C2orf76: variants seen among roughly 807,000 people sequenced by gnomAD.
C2orf76 encodes the protein chromosome 2 open reading frame 76.
A neutral mutation model predicts 16.9 loss-of-function variants in C2orf76; 23 were observed. The ratio of observed to expected loss-of-function variants is 1.36; its 90% CI spans 0.98 to 1.93. The LOEUF (loss-of-function observed/expected upper bound fraction) is 1.93. C2orf76 is among the 30% of genes most tolerant of loss of function. C2orf76 has a pLI of 0.00. For synonymous variants in C2orf76, 48 were observed against 52.3 expected (o/e 0.92, Z 0.35); for missense variants, 152 against 152.6 (o/e 1.00, Z 0.02).
intron 4 of C2orf76, among the ~76,000 whole-genome samples, chr2:119,314,652 T>G (rs1006076261): frequency 1.3e-5 from 2 of 152,312 alleles, no homozygotes; most frequent in African/African-American, 4.8e-5. Context: ...CTAATTACTC[T>G]CATTTCTCTT....
downstream of C2orf76, among the ~76,000 whole-genome samples, chr2:119,301,842 G>C (rs1678628269): frequency 6.8e-6 from 1 of 147,002 alleles, no homozygotes; most frequent in Non-Finnish European, 1.5e-5. Flanking sequence ...GTTTCTTCCT[G>C]AAGATGGAAA....
the C2orf76 span, among the ~76,000 whole-genome samples, chr2:119,294,156 G>A: frequency 1.8e-4 from 27 of 152,170 alleles, no homozygotes; most frequent in Non-Finnish European, 8.8e-5. Context: ...ACCAGCAAAC[G>A]AGATGGGGAG....
At chr2:119,355,314 G>T (rs1345892641) in intron 1 of C2orf76, among the ~76,000 whole-genome samples, 1 of 152,204 alleles carries the variant, frequency 6.6e-6, no homozygotes, top group Non-Finnish European at 1.5e-5. Context: ...AAGCAGAGGG[G>T]CTGGCTGCTT....
chr2:119,302,792 C>A (rs540946987), intron 5 of C2orf76, among the ~76,000 whole-genome samples: 1 of 152,162 alleles, frequency 6.6e-6, no homozygotes, highest in African/African-American at 2.4e-5. Flanking sequence ...AAATAAAAAA[C>A]CAAAAATTAA....
At chr2:119,329,145 T>C (rs1198971137) in intron 2 of C2orf76, among the ~76,000 whole-genome samples, 4 of 152,238 alleles carry the variant, frequency 2.6e-5, no homozygotes, top group African/African-American at 9.6e-5. Flanking sequence ...TTACTGATTT[T>C]CTATTTGTTC....
At chr2:119,323,087 A>C (rs1209760268) in intron 2 of C2orf76, among the ~76,000 whole-genome samples, 2 of 152,002 alleles carry the variant, frequency 1.3e-5, no homozygotes, top group Non-Finnish European at 2.9e-5. Context: ...ATGTGATTAT[A>C]CTCACAGTAG....
chr2:119,343,036 T>A (rs371643034), intron 1 of C2orf76, among the ~76,000 whole-genome samples: 10 of 152,226 alleles, frequency 6.6e-5, no homozygotes, highest in African/African-American at 2.4e-4. Flanking sequence ...TCCCAAAGTA[T>A]ATCATTCTTT....
chr2:119,349,105 T>C (rs1368384183), intron 1 of C2orf76, among the ~76,000 whole-genome samples: 1 of 152,372 alleles, frequency 6.6e-6, no homozygotes, highest in East Asian at 1.9e-4. Context: ...GAAAAGCCTT[T>C]ACCAAAACAT....
At chr2:119,329,519 T>C (rs1333701962) in intron 2 of C2orf76, among the ~76,000 whole-genome samples, 1 of 152,196 alleles carries the variant, frequency 6.6e-6, no homozygotes, top group Non-Finnish European at 1.5e-5. Context: ...ATGGTTAAAG[T>C]TTGCTATTCT....
At chr2:119,285,009 C>T in the C2orf76 span, among the ~76,000 whole-genome samples, 3 of 152,094 alleles carry the variant, frequency 2.0e-5, no homozygotes, top group South Asian at 4.1e-4. Flanking sequence ...AGGATTGTGG[C>T]GGAGATCAGA....
intron 2 of C2orf76, among the ~76,000 whole-genome samples, chr2:119,322,703 A>C (rs2104569097): frequency 6.6e-6 from 1 of 152,332 alleles, no homozygotes; most frequent in African/African-American, 2.4e-5. Flanking sequence ...AAAGAAAAAG[A>C]AGGAAGCTCT....
chr2:119,287,866 T>C, the C2orf76 span, among the ~76,000 whole-genome samples: 1 of 152,188 alleles, frequency 6.6e-6, no homozygotes, highest in East Asian at 1.9e-4. Context: ...CTTCAGTTAG[T>C]TGGTTGTGTT....
intron 2 of C2orf76, among the ~76,000 whole-genome samples, chr2:119,325,739 CT>C (rs1259179442): frequency 6.6e-6 from 1 of 152,162 alleles, no homozygotes; most frequent in Non-Finnish European, 1.5e-5. Flanking sequence ...ATGGTTACTC[CT>C]TTTAATTTCA....
In C2orf76 at chr2:119,342,751, G is replaced by GTTGTTTGT. The variant is rs112996931; in HGVS notation, c.-12-2788_-12-2781dup. On this transcript the variant is annotated intron_variant, in intron 1 of 5. Coordinates refer to ENST00000334816, the MANE Select transcript of C2orf76 (RefSeq NM_001322331.2). Reference sequence around the variant, plus strand: ...TCTTAAGCAGATGTTAGGTATATGGGTTGTTTGTTTGTTTGTTTGTTTGTT... The same window carrying GTTGTTTGT: ...TCTTAAGCAGATGTTAGGTATATGGGTTGTTTGTTTGTTTGTTTGTTTGTTTGTTTGTT... Among the ~76,000 whole-genome samples the GTTGTTTGT allele has an allele frequency of 8.5e-3, 1,291 of 151,584 alleles. 18 individuals are homozygous for GTTGTTTGT. The highest frequency in any genetic ancestry group is 0.029 in the African/African-American group (1,184 of 41,138).
the C2orf76 span, among the ~76,000 whole-genome samples, chr2:119,296,121 C>T: frequency 6.6e-6 from 1 of 152,176 alleles, no homozygotes; most frequent in Non-Finnish European, 1.5e-5. Flanking sequence ...CCTTCCTCTT[C>T]CACTCCTATA....
intron 1 of C2orf76, among the ~76,000 whole-genome samples, chr2:119,360,894 C>T (rs1478198453): frequency 6.6e-6 from 1 of 152,084 alleles, no homozygotes; most frequent in East Asian, 1.9e-4. Flanking sequence ...AGGCTATATA[C>T]CACAATTTCA....
intron 3 of C2orf76, 22 bp downstream of exon 3, chr2:119,321,132 A>T: frequency 7.7e-7 from 1 of 1,298,484 alleles, no homozygotes. Context: ...TATATATTTT[A>T]AAAGAATAAA....
At chr2:119,311,102 AC>A (rs1678970691) in intron 5 of C2orf76, 1 of 939,040 alleles carries the variant, frequency 1.1e-6, no homozygotes, top group Non-Finnish European at 1.3e-6. Context: ...TTAGAATAAA[AC>A]CACATGCACA....
At chr2:119,348,046 C>CAAAAAAAAAAAAAAAAAA (rs1205382710) in intron 1 of C2orf76, among the ~76,000 whole-genome samples, 1 of 81,988 alleles carries the variant, frequency 1.2e-5, no homozygotes, top group Non-Finnish European at 2.4e-5. Flanking sequence ...GGCTCTGTCT[C>CAAAAAAAAAAAAAAAAAA]AAAAAAAAAA....
Sources: gnomAD v4.1 joint callset for allele counts (sites outside exome capture counted in the v4.1 genomes callset) on GRCh38, gnomAD v4.1.1 for gene constraint, MANE v1.5 for transcripts, NCBI Gene and HGNC (gene_info 2026-07-23, HGNC 2026-07-21) for gene names.